The following SUPT3H variants were observed in gnomAD, a reference collection of about 807,000 sequenced individuals.
SUPT3H encodes the protein transcription initiation protein SPT3 homolog.
In SUPT3H, 44 loss-of-function variants were observed where a neutral mutation model predicts 44.3. That is an observed-to-expected ratio of 0.99 (90% CI 0.78 to 1.28). The LOEUF is 1.28. Ranked by LOEUF, SUPT3H falls within the 50% of genes most tolerant of loss-of-function variation. SUPT3H has a pLI of 0.00. For missense variants in SUPT3H, 380 were observed against 387.1 expected, an observed-to-expected ratio of 0.98 and a Z score of 0.15; for synonymous variants, 124 against 125.6, an observed-to-expected ratio of 0.99 and a Z score of 0.09.
chr6:45,111,995 G>C (rs1800139947), intron 2 of SUPT3H, among the ~76,000 whole-genome samples: 1 of 152,202 alleles, frequency 6.6e-6, no homozygotes, highest in Non-Finnish European at 1.5e-5. Context: ...CTGGAAGTTA[G>C]AGGATCTGGT....
intron 2 of SUPT3H, among the ~76,000 whole-genome samples, chr6:45,290,582 TA>T (rs753074976): frequency 6.6e-6 from 1 of 152,086 alleles, no homozygotes; most frequent in Non-Finnish European, 1.5e-5. Context: ...AAAAATCCCG[TA>T]AGTTGGGCCT....
intron 2 of SUPT3H, among the ~76,000 whole-genome samples, chr6:45,269,185 G>T (rs1402290789): frequency 6.6e-6 from 1 of 152,162 alleles, no homozygotes; most frequent in African/African-American, 2.4e-5. Flanking sequence ...AAATCAAATG[G>T]ATACTGAATG....
At chr6:45,025,378 C>A (rs984052082) in intron 3 of SUPT3H, among the ~76,000 whole-genome samples, 3 of 152,198 alleles carry the variant, frequency 2.0e-5, no homozygotes, top group South Asian at 2.1e-4. Context: ...GAATTATACA[C>A]GTAGGTCCAG....
At chr6:45,264,923 A>T (rs1775007694) in intron 2 of SUPT3H, among the ~76,000 whole-genome samples, 2 of 152,148 alleles carry the variant, frequency 1.3e-5, no homozygotes. Context: ...GGCAAAACAT[A>T]TCCGAACAAA....
At chr6:45,319,991 A>C (rs1785234760) in intron 2 of SUPT3H, among the ~76,000 whole-genome samples, 1 of 152,152 alleles carries the variant, frequency 6.6e-6, no homozygotes, top group South Asian at 2.1e-4. Context: ...GACTCTAATC[A>C]AAATTATTTG....
At chr6:45,329,301 A>G (rs1786979497) in intron 2 of SUPT3H, among the ~76,000 whole-genome samples, 2 of 152,106 alleles carry the variant, frequency 1.3e-5, no homozygotes, top group South Asian at 4.1e-4. Flanking sequence ...AGCTCAACTA[A>G]AAGAAATCTA....
At chr6:45,276,445 G>A (rs925810618) in intron 2 of SUPT3H, among the ~76,000 whole-genome samples, 10 of 152,046 alleles carry the variant, frequency 6.6e-5, no homozygotes, top group African/African-American at 2.2e-4. Context: ...TGTTGCTTTA[G>A]GGTCTGTGAG....
At chr6:45,346,262 T>G (rs1790835004) in intron 2 of SUPT3H, among the ~76,000 whole-genome samples, 1 of 152,070 alleles carries the variant, frequency 6.6e-6, no homozygotes, top group Non-Finnish European at 1.5e-5. Context: ...GATACTGAAG[T>G]TTTTAAATTG....
intron 1 of SUPT3H, 64 bp from the exon 2 acceptor site, chr6:45,365,365 A>T (rs976999892): frequency 2.7e-5 from 30 of 1,106,526 alleles, no homozygotes; most frequent in Non-Finnish European, 3.8e-5. Flanking sequence ...GCAAAAAAAA[A>T]AGAAAGCAAA....
At chr6:44,893,385 A>T (rs1177296835) in intron 10 of SUPT3H, among the ~76,000 whole-genome samples, 1 of 101,476 alleles carries the variant, frequency 9.9e-6, no homozygotes. Context: ...CCCTGCCCCC[A>T]CCCCACAACA....
intron 11 of SUPT3H, among the ~76,000 whole-genome samples, chr6:44,817,276 T>G (rs1403540888): frequency 2.7e-5 from 4 of 149,504 alleles, no homozygotes; most frequent in Non-Finnish European, 4.4e-5. Context: ...AAGAAATCCA[T>G]TTGATAAAAT....
At chr6:45,373,786 C>T (rs1195269646) in intron 1 of SUPT3H, among the ~76,000 whole-genome samples, 1 of 152,090 alleles carries the variant, frequency 6.6e-6, no homozygotes, top group Non-Finnish European at 1.5e-5. Context: ...CTCCTGACAT[C>T]AAGTGATCCA....
chr6:44,859,401 C>T (rs1034904319), intron 10 of SUPT3H, among the ~76,000 whole-genome samples: 15 of 152,134 alleles, frequency 9.9e-5, no homozygotes, highest in African/African-American at 3.6e-4. Flanking sequence ...AAATGGAAAG[C>T]TCCAATATTT....
At chr6:45,176,273 G>A (rs894648427) in intron 2 of SUPT3H, among the ~76,000 whole-genome samples, 1 of 151,694 alleles carries the variant, frequency 6.6e-6, no homozygotes, top group Non-Finnish European at 1.5e-5. Context: ...GAAGCGCGAG[G>A]GGTCAAGAAC....
At chr6:45,012,878 T>C (rs970629263) in intron 5 of SUPT3H, among the ~76,000 whole-genome samples, 1 of 152,154 alleles carries the variant, frequency 6.6e-6, no homozygotes, top group East Asian at 1.9e-4. Context: ...CCTTGCAGTA[T>C]GCAGCCTCTG....
intron 10 of SUPT3H, among the ~76,000 whole-genome samples, chr6:44,877,072 T>TA (rs1777427927): frequency 6.6e-6 from 1 of 152,194 alleles, no homozygotes; most frequent in African/African-American, 2.4e-5. Context: ...TATCTTATCC[T>TA]ATGTCAAATA....
intron 2 of SUPT3H, among the ~76,000 whole-genome samples, chr6:45,206,426 C>G (rs1216477188): frequency 1.3e-5 from 2 of 151,746 alleles, no homozygotes; most frequent in African/African-American, 4.8e-5. Context: ...AGGGCAAGAG[C>G]AGAAGAAACT....
intron 2 of SUPT3H, among the ~76,000 whole-genome samples, chr6:45,124,293 T>C (rs924425633): frequency 2.6e-5 from 4 of 151,958 alleles, no homozygotes; most frequent in African/African-American, 9.7e-5. Flanking sequence ...TGTCAAAATA[T>C]ATGGAAAACA....
At chr6:45,089,683 C>T (rs1356717617) in intron 3 of SUPT3H, among the ~76,000 whole-genome samples, 3 of 8,642 alleles carry the variant, frequency 3.5e-4, no homozygotes, top group Admixed American at 3.8e-3. Flanking sequence ...TGCAGCTCTA[C>T]ATTTTTTTTT....
Sources: allele counts gnomAD v4.1 joint callset (sites outside exome capture counted in the v4.1 genomes callset), GRCh38; gene constraint gnomAD v4.1.1; transcripts MANE v1.5; gene names NCBI Gene and HGNC (gene_info 2026-07-23, HGNC 2026-07-21).